Variants in JHY observed in about 807,000 individuals in gnomAD.
The protein encoded by JHY is junctional cadherin complex regulator.
Under a neutral mutation model 78.0 loss-of-function variants are expected in JHY, and 69 were observed. The ratio of observed to expected loss-of-function variants is 0.88; its 90% CI spans 0.73 to 1.08. JHY has a LOEUF of 1.08. JHY is among the 50% of genes least tolerant of loss of function. JHY has a pLI of 0.00. For missense variants in JHY, 944 were observed against 927.8 expected, an observed-to-expected ratio of 1.02 and a Z score of -0.23; for synonymous variants, 368 against 342.6, an observed-to-expected ratio of 1.07 and a Z score of -0.82.
chr11:122,886,246 A>T, intron 2 of JHY, 53 bp downstream of exon 2: 1 of 1,496,758 alleles, frequency 6.7e-7, no homozygotes, highest in Non-Finnish European at 9.0e-7. Flanking sequence ...GTATCATTAG[A>T]TAATTACTGT....
Position 122,934,863 on chromosome 11 carries a change from C to A in JHY, c.1422C>A (p.Asp474Glu). Residue 474 changes from aspartate (D) to glutamate (E), a missense_variant, in exon 5 of 9, where the codon GAC (aspartate) becomes GAA (glutamate). Coordinates refer to ENST00000227349, the MANE Select transcript of JHY (RefSeq NM_024806.4). ...TTAATAAAGAAAGAGGACACAAAGA[C>A]CAAGAAGAGAAAAGATTTTCATATC... is the stretch of plus-strand genomic sequence containing the variant. ...LNVNKERGHK[D>E]QEEKRFSYQQ... is the part of the protein sequence containing the mutation. 1 of 1,613,874 alleles carries A rather than the reference C, an allele frequency of 6.2e-7. No homozygotes were observed. The highest frequency in any genetic ancestry group is 1.1e-5 in the South Asian group (1 of 91,060).
intron 6 of JHY, among the ~76,000 whole-genome samples, chr11:122,948,811 C>T (rs1282531729): frequency 2.0e-5 from 3 of 152,000 alleles, no homozygotes; most frequent in East Asian, 1.9e-4. Flanking sequence ...GCAGGCTGGG[C>T]GCGGTGGCTT....
chr11:122,947,800 C>T (rs963121787), intron 6 of JHY, among the ~76,000 whole-genome samples: 21 of 152,180 alleles, frequency 1.4e-4, no homozygotes, highest in African/African-American at 4.1e-4. Flanking sequence ...GTGAGGGAAG[C>T]GGGGCTGGGC....
At chr11:122,915,956 A>G (rs183748989) in intron 3 of JHY, among the ~76,000 whole-genome samples, 1 of 152,230 alleles carries the variant, frequency 6.6e-6, no homozygotes, top group Non-Finnish European at 1.5e-5. Context: ...CTGGTCAAGA[A>G]CTGGTAGTTG....
At position 122,962,718 on chromosome 11, in the gene JHY, T is replaced by G. The variant is rs1371149354; in HGVS notation, c.*3273T>G. On this transcript the variant is annotated 3_prime_UTR_variant, in exon 9 of 9. Transcript: ENST00000227349. Reference sequence around the variant, plus strand: ...GGGATAGGGTAAAATTTTTAAATATTCCATTTGTATTATCTTAAAATAGTT... The same window carrying G: ...GGGATAGGGTAAAATTTTTAAATATGCCATTTGTATTATCTTAAAATAGTT... Among the ~76,000 whole-genome samples the G allele has an allele frequency of 6.6e-6, 1 of 152,190 alleles. No individual in the cohort carries two copies. The highest frequency in any genetic ancestry group is 1.9e-4 in the East Asian group (1 of 5,202).
chr11:122,904,551 C>T (rs1240246325), intron 3 of JHY, 107 bp downstream of exon 3: 4 of 1,288,726 alleles, frequency 3.1e-6, no homozygotes, highest in Non-Finnish European at 4.3e-6. Context: ...GTCATAGCAG[C>T]CACCTAGCTG....
chr11:122,887,321 GTT>G (rs1412973316), intron 2 of JHY, among the ~76,000 whole-genome samples: 7 of 151,980 alleles, frequency 4.6e-5, no homozygotes, highest in Non-Finnish European at 7.4e-5. Context: ...TATCGTGTTA[GTT>G]TTTTTTGTGT....
intron 6 of JHY, among the ~76,000 whole-genome samples, chr11:122,953,994 T>C (rs1864144787): frequency 6.6e-6 from 1 of 152,184 alleles, no homozygotes; most frequent in Non-Finnish European, 1.5e-5. Context: ...CCTTTTAAAT[T>C]ATTAATGCAA....
intron 4 of JHY, among the ~76,000 whole-genome samples, chr11:122,926,187 C>CAAAAAAAAA (rs574945272): frequency 5.0e-5 from 2 of 39,908 alleles, no homozygotes; most frequent in Non-Finnish European, 5.5e-5. Flanking sequence ...GACTCCATCT[C>CAAAAAAAAA]AAAAAAAAAA....
At chr11:122,920,774 T>TCATCAAGATTGCCTGCG (rs1295054211) in intron 3 of JHY, among the ~76,000 whole-genome samples, 4 of 152,294 alleles carry the variant, frequency 2.6e-5, no homozygotes, top group Non-Finnish European at 4.4e-5. Flanking sequence ...TGTAAACACC[T>TCATCAAGATTGCCTGCG]CATCAAGATT....
intron 3 of JHY, among the ~76,000 whole-genome samples, chr11:122,910,705 G>C (rs912575424): frequency 6.6e-6 from 1 of 152,104 alleles, no homozygotes; most frequent in Admixed American, 6.6e-5. Context: ...AATAGGAGGA[G>C]ACATTTATAG....
chr11:122,944,086 A>G (rs112539736), intron 5 of JHY, among the ~76,000 whole-genome samples: 129 of 152,290 alleles, frequency 8.5e-4, no homozygotes, highest in Middle Eastern at 3.4e-3. Context: ...GGTCACAACT[A>G]ATCAGGAGGC....
chr11:122,941,046 T>C (rs1467891609), intron 5 of JHY, among the ~76,000 whole-genome samples: 2 of 152,218 alleles, frequency 1.3e-5, no homozygotes, highest in Non-Finnish European at 2.9e-5. Context: ...AGCACTTCTT[T>C]GTTTTCTGGC....
intron 5 of JHY, among the ~76,000 whole-genome samples, chr11:122,943,243 T>A (rs1198231666): frequency 6.6e-6 from 1 of 152,262 alleles, no homozygotes; most frequent in Non-Finnish European, 1.5e-5. Context: ...AGTATGTTTA[T>A]AAATTTCAAA....
chr11:122,895,598 T>TC (rs1187231622), intron 2 of JHY, among the ~76,000 whole-genome samples: 1 of 152,126 alleles, frequency 6.6e-6, no homozygotes, highest in Non-Finnish European at 1.5e-5. Flanking sequence ...TGTGAAACCG[T>TC]CCCCCACTCC....
chr11:122,903,565 A>G (rs1445818251), intron 2 of JHY, among the ~76,000 whole-genome samples: 3 of 152,054 alleles, frequency 2.0e-5, no homozygotes, highest in Non-Finnish European at 4.4e-5. Flanking sequence ...TGTAGCCTCT[A>G]ACTCCTTAGC....
At chr11:122,897,032 T>A (rs532653640) in intron 2 of JHY, among the ~76,000 whole-genome samples, 12 of 150,776 alleles carry the variant, frequency 8.0e-5, no homozygotes, top group Non-Finnish European at 1.0e-4. Context: ...AATTTTTGTA[T>A]TTTTAGTAGA....
At chr11:122,892,087 C>G (rs1463772504) in intron 2 of JHY, among the ~76,000 whole-genome samples, 2 of 152,090 alleles carry the variant, frequency 1.3e-5, no homozygotes, top group Non-Finnish European at 2.9e-5. Context: ...GTCATAGTAG[C>G]CATTATTCTT....
chr11:122,896,342 CAAAAA>C (rs11370911), intron 2 of JHY, among the ~76,000 whole-genome samples: 1,957 of 73,386 alleles, frequency 0.027, 41 homozygotes, highest in African/African-American at 0.099. Context: ...GACTCTGTCT[CAAAAA>C]AAAAAAAAAA....
Sources: allele counts gnomAD v4.1 joint callset (sites outside exome capture counted in the v4.1 genomes callset), GRCh38; gene constraint gnomAD v4.1.1; transcripts MANE v1.5; gene names NCBI Gene and HGNC (gene_info 2026-07-23, HGNC 2026-07-21).